NDST4: variants seen among roughly 807,000 people sequenced by gnomAD.
NDST4 encodes N-heparan sulfate sulfotransferase 4.
Under a neutral mutation model 100.8 loss-of-function variants are expected in NDST4, and 63 were observed. The observed-to-expected ratio is 0.62, with a 90% CI of 0.51 to 0.77. The LOEUF is 0.77. Among genes scored for constraint, NDST4 ranks in the 30% least tolerant of loss-of-function variants. The probability of loss-of-function intolerance (pLI) is 0.00; values close to 1 mark genes in which losing one functional copy is unlikely to be tolerated. For synonymous variants in NDST4, 377 were observed against 361.8 expected (o/e 1.04, Z -0.48); for missense variants, 943 against 1,018.4 (o/e 0.93, Z 1.01).
rs181248680 is a variant in NDST4 at position 115,074,290 on chromosome 4, T to C, written c.978+1769A>G. 3.5e-3 allele frequency among the ~76,000 whole-genome samples: 534 copies of C among 152,070 alleles called. 14 individuals carry two copies. The highest frequency in any genetic ancestry group is 9.1e-4 in the Non-Finnish European group (62 of 67,890). ...TTTCTATTGAGAAAAAGTGAAATAG[T>C]TGAATTTGAGCTGGTTAAGTTCATT... is the stretch of plus-strand genomic sequence containing the variant. On this transcript the variant is annotated intron_variant, in intron 2 of 13. Transcript: ENST00000264363.
intron 4 of NDST4, among the ~76,000 whole-genome samples, chr4:114,965,693 G>A (rs1726364763): frequency 6.6e-6 from 1 of 152,040 alleles, no homozygotes; most frequent in Non-Finnish European, 1.5e-5. Context: ...TTAGTGAACT[G>A]AAAAGCCCTA....
At chr4:114,964,614 A>C (rs1409675427) in intron 4 of NDST4, among the ~76,000 whole-genome samples, 3 of 152,212 alleles carry the variant, frequency 2.0e-5, no homozygotes, top group Non-Finnish European at 4.4e-5. Flanking sequence ...TGGTAAGAAC[A>C]ATTAACATGA....
At chr4:114,944,508 C>T (rs1170495581) in intron 4 of NDST4, among the ~76,000 whole-genome samples, 1 of 152,124 alleles carries the variant, frequency 6.6e-6, no homozygotes, top group African/African-American at 2.4e-5. Flanking sequence ...TGTAAATAGT[C>T]TTCTTAATAA....
At chr4:114,912,348 T>C (rs1725079089) in intron 6 of NDST4, among the ~76,000 whole-genome samples, 1 of 152,160 alleles carries the variant, frequency 6.6e-6, no homozygotes, top group South Asian at 2.1e-4. Flanking sequence ...GGCTCTCTTC[T>C]TTTCTACTCA....
intron 6 of NDST4, among the ~76,000 whole-genome samples, chr4:114,872,891 T>C (rs939675205): frequency 5.3e-5 from 8 of 152,108 alleles, no homozygotes; most frequent in Non-Finnish European, 1.0e-4. Flanking sequence ...AACATATATA[T>C]ACATTGAGTT....
chr4:114,851,733 CT>C (rs1723679821), intron 8 of NDST4, among the ~76,000 whole-genome samples: 1 of 152,084 alleles, frequency 6.6e-6, no homozygotes, highest in Admixed American at 6.5e-5. Flanking sequence ...AGTGATCTAT[CT>C]GAAAATATGT....
intron 7 of NDST4, among the ~76,000 whole-genome samples, chr4:114,866,917 T>C (rs750647752): frequency 2.0e-5 from 3 of 152,176 alleles, no homozygotes; most frequent in Non-Finnish European, 4.4e-5. Flanking sequence ...CCTTCTAAAG[T>C]GAGGAGTTAC....
At chr4:114,913,524 G>A (rs1398845966) in intron 6 of NDST4, among the ~76,000 whole-genome samples, 1 of 151,866 alleles carries the variant, frequency 6.6e-6, no homozygotes, top group Non-Finnish European at 1.5e-5. Flanking sequence ...CTGGCCTAGA[G>A]AAAAAATGAA....
intron 2 of NDST4, among the ~76,000 whole-genome samples, chr4:114,990,340 C>T (rs901745170): frequency 6.6e-6 from 1 of 151,944 alleles, no homozygotes; most frequent in Non-Finnish European, 1.5e-5. Context: ...CTAACTATAG[C>T]TCATTTAATA....
intron 2 of NDST4, among the ~76,000 whole-genome samples, chr4:115,047,275 A>G (rs987033110): frequency 3.3e-5 from 5 of 152,148 alleles, no homozygotes; most frequent in African/African-American, 9.6e-5. Context: ...TTAACAGTCA[A>G]TATATTTATT....
chr4:114,949,668 C>T (rs187101053), intron 4 of NDST4, among the ~76,000 whole-genome samples: 13 of 152,106 alleles, frequency 8.5e-5, no homozygotes, highest in Admixed American at 7.2e-4. Flanking sequence ...AATATCTAGC[C>T]TCCTTTTATG....
chr4:114,968,103 T>G lies in NDST4; in HGVS notation c.1221+2327A>C, dbSNP rs544762451. On this transcript the variant is annotated intron_variant, in intron 4 of 13. Transcript: ENST00000264363. ...TAACTACTTTTTATGTTTTCTACAT[T>G]TACTACTAAGAATCCTGTGTGCAGA... 2.2e-4 allele frequency among the ~76,000 whole-genome samples: 34 copies of G among 152,308 alleles called. No individual in the cohort carries two copies. The South Asian group carries it at 6.8e-3, about 31-fold the overall frequency.
intron 2 of NDST4, among the ~76,000 whole-genome samples, chr4:114,999,122 T>C (rs983404635): frequency 6.6e-6 from 1 of 152,092 alleles, no homozygotes; most frequent in African/African-American, 2.4e-5. Flanking sequence ...TGGATTCATA[T>C]ATCTATTTTT....
At chr4:114,908,197 A>G (rs935804746) in intron 6 of NDST4, among the ~76,000 whole-genome samples, 2 of 152,158 alleles carry the variant, frequency 1.3e-5, no homozygotes, top group Non-Finnish European at 2.9e-5. Flanking sequence ...GAAAATCCCA[A>G]TGCTATCATA....
intron 2 of NDST4, among the ~76,000 whole-genome samples, chr4:114,999,037 G>A (rs2126255020): frequency 6.6e-6 from 1 of 152,150 alleles, no homozygotes; most frequent in Non-Finnish European, 1.5e-5. Context: ...TATTTTGTTT[G>A]CTGTTATATC....
chr4:115,097,337 G>C (rs186903644), intron 1 of NDST4, among the ~76,000 whole-genome samples: 115 of 152,176 alleles, frequency 7.6e-4, no homozygotes, highest in African/African-American at 2.6e-3. Flanking sequence ...CTGATTATCT[G>C]ATATTTTCCT....
intron 2 of NDST4, among the ~76,000 whole-genome samples, chr4:114,990,502 T>G (rs1279166384): frequency 6.6e-6 from 1 of 152,112 alleles, no homozygotes; most frequent in Non-Finnish European, 1.5e-5. Flanking sequence ...TAACTGATTC[T>G]TTAGTTTGAC....
At chr4:114,885,479 T>C (rs1172974590) in intron 6 of NDST4, among the ~76,000 whole-genome samples, 5 of 152,118 alleles carry the variant, frequency 3.3e-5, no homozygotes, top group Admixed American at 1.3e-4. Context: ...TAATGACAAA[T>C]TGTCTCAGAA....
At chr4:115,105,045 A>G (rs1240124473) in intron 1 of NDST4, among the ~76,000 whole-genome samples, 3 of 152,202 alleles carry the variant, frequency 2.0e-5, no homozygotes, top group Admixed American at 6.5e-5. Context: ...GAGAAGAGTT[A>G]GAATTTTCAA....
Sources: allele counts gnomAD v4.1 joint callset (sites outside exome capture counted in the v4.1 genomes callset), GRCh38; gene constraint gnomAD v4.1.1; transcripts MANE v1.5; gene names NCBI Gene and HGNC (gene_info 2026-07-23, HGNC 2026-07-21).